SEC16B: variants seen among roughly 807,000 people sequenced by gnomAD.
SEC16B encodes protein transport protein Sec16B.
SEC16B carries 115 observed loss-of-function variants against 141.8 expected under a neutral mutation model. That is an observed-to-expected ratio of 0.81 (90% CI 0.70 to 0.95). The LOEUF (loss-of-function observed/expected upper bound fraction) is 0.95. Among genes scored for constraint, SEC16B ranks in the 40% least tolerant of loss-of-function variants. The pLI, the probability that SEC16B is intolerant of heterozygous loss-of-function variation, is 0.00. For synonymous variants in SEC16B, 493 were observed against 492.5 expected, an observed-to-expected ratio of 1.00 and a Z score of -0.01; for missense variants, 1,291 against 1,312.3, an observed-to-expected ratio of 0.98 and a Z score of 0.25.
At chr1:177,939,849 C>T in intron 17 of SEC16B, 72 bp from the exon 18 acceptor site, 1 of 1,246,886 alleles carries the variant, frequency 8.0e-7, no homozygotes, top group Non-Finnish European at 1.1e-6. Context: ...CAAAGTGATT[C>T]AAAACTTAAG....
chr1:177,945,736 G>A (rs912317930), intron 14 of SEC16B: 1 of 152,402 alleles, frequency 6.6e-6, no homozygotes, highest in Non-Finnish European at 1.5e-5. Context: ...ATAATTAAAG[G>A]AAATAGTGCA....
chr1:177,953,699 G>A (rs1231209638), intron 11 of SEC16B, among the ~76,000 whole-genome samples: 5 of 152,066 alleles, frequency 3.3e-5, no homozygotes, highest in South Asian at 2.1e-4. Context: ...CCTGGTCCAC[G>A]CTGGCACCCA....
chr1:177,982,887 A>G lies in SEC16B; in HGVS notation c.-59+1319T>C, dbSNP rs1571367891. Among the ~76,000 whole-genome samples, 4 of 152,222 alleles carry G rather than the reference A, an allele frequency of 2.6e-5. No individual in the cohort carries two copies. The East Asian group carries it at 5.8e-4, about 22-fold the overall frequency. On this transcript the variant is annotated intron_variant and NMD_transcript_variant, in intron 1 of 24. Transcript: ENST00000528461. Reference sequence around the variant, plus strand: ...ACTTGTTCCAATCAATAACCATTTGAAAACAGAAATAGATATTTAAGATGA... The same window carrying G: ...ACTTGTTCCAATCAATAACCATTTGGAAACAGAAATAGATATTTAAGATGA...
chr1:177,966,042 A>G (rs1341384749), intron 2 of SEC16B, 37 bp from the exon 3 acceptor site: 2 of 1,272,656 alleles, frequency 1.6e-6, no homozygotes, highest in Admixed American at 2.0e-5. Context: ...AGTTGAGGAC[A>G]AGGGTAGTAA....
chr1:177,933,155 G>T, intron 22 of SEC16B, 59 bp downstream of exon 22: 1 of 1,392,884 alleles, frequency 7.2e-7, no homozygotes, highest in Non-Finnish European at 9.9e-7. Flanking sequence ...TAGGTGCTGA[G>T]GCAGCTCCCT....
At position 177,940,614 on chromosome 1, in the gene SEC16B, A is replaced by G; in HGVS notation, c.2123T>C (p.Leu708Pro). The G allele has an allele frequency of 5.6e-6, 9 of 1,612,904 alleles. No individual in the cohort carries two copies. Among genetic ancestry groups the G allele is most frequent in the Non-Finnish European group, 7.6e-6 (9 of 1,179,090 alleles). ...PDWLAQLRRQ[L>P]EQKVAGDIGD... The stretch of plus-strand genomic sequence containing the variant: ...CCTGGCTCCAATCCCACTCACCTCC[A>G]GCTGCCTCCGAAGTTGCGCTAGCCA... The change falls in exon 17 of 26, where the codon CTG (leucine) becomes CCG (proline). Residue 708 changes from leucine to proline, a missense_variant. Leu to Pro is a moderately conservative substitution (Grantham distance 98). Around this residue, in one of 3 missense-constraint regions of SEC16B, gnomAD observed 605 missense variants for 614.1 expected, o/e 0.99. Coordinates refer to ENST00000308284, the MANE Select transcript of SEC16B (RefSeq NM_033127.4).
rs73045012 is a variant in SEC16B, at chr1:177,948,281, C to T, written c.1546-339G>A. ...AGCTAGAGACAAAACTCAGAAAAAC[C>T]CTGAGGCTTCAGTGGGAGAAGGAAG... On this transcript the variant is annotated intron_variant, in intron 12 of 25. Coordinates refer to ENST00000308284, the MANE Select transcript of SEC16B (RefSeq NM_033127.4). 2.8e-4 allele frequency: 341 copies of T among 1,218,918 alleles called. 1 individual carries two copies. The African/African-American group carries it at 4.9e-3, about 17-fold the overall frequency. 75.5% of individuals were successfully genotyped at this position (1,218,918 alleles called of 1,614,324 possible).
intron 18 of SEC16B, among the ~76,000 whole-genome samples, chr1:177,937,967 C>T (rs1479824511): frequency 6.6e-6 from 1 of 152,084 alleles, no homozygotes; most frequent in East Asian, 1.9e-4. Flanking sequence ...CCATAAGATA[C>T]CAAACTATAC....
intron 6 of SEC16B, chr1:177,961,186 G>A: frequency 2.0e-6 from 1 of 490,730 alleles, no homozygotes; most frequent in Non-Finnish European, 3.6e-6. Flanking sequence ...TCTCAGCCCA[G>A]ACTCTCAGTG....
Position 177,955,225 on chromosome 1 carries a change from G to A in SEC16B, c.1366-849C>T, listed in dbSNP as rs1043131707. Among the ~76,000 whole-genome samples, 11 of 152,206 alleles carry A rather than the reference G, an allele frequency of 7.2e-5. No homozygotes were observed. In the South Asian group the frequency reaches 2.1e-3, roughly 29 times the overall value. Reference sequence around the variant, plus strand: ...ATAAGAGAAATGCAGGCCCGGTGCGGTGGCTCACACCTGTAATCCCTACAC... The same window carrying A: ...ATAAGAGAAATGCAGGCCCGGTGCGATGGCTCACACCTGTAATCCCTACAC... On this transcript the variant is annotated intron_variant, in intron 10 of 25. Coordinates refer to ENST00000308284, the MANE Select transcript of SEC16B (RefSeq NM_033127.4).
intron 8 of SEC16B, 76 bp from the exon 9 acceptor site, chr1:177,959,051 A>C: frequency 6.8e-7 from 1 of 1,468,668 alleles, no homozygotes; most frequent in South Asian, 1.2e-5. Context: ...GCTCCTCCTA[A>C]GTGTGCAAGT....
At chr1:177,961,317 T>TCTTCC (rs999065179) in intron 6 of SEC16B, 1 of 481,314 alleles carries the variant, frequency 2.1e-6, no homozygotes, top group African/African-American at 2.0e-5. Flanking sequence ...TTCTCTCTGG[T>TCTTCC]CTTCCCTTTC....
chr1:177,970,349 C>T (rs962130415), upstream of SEC16B: 4 of 152,170 alleles, frequency 2.6e-5, no homozygotes, highest in African/African-American at 9.7e-5. Flanking sequence ...TTAACCTCTC[C>T]GAGTTTCAGT....
Position 177,958,909 on chromosome 1 carries a change from A to C in SEC16B, c.1065T>G (p.Ser355=). The change falls in exon 9 of 26, where the codon TCT becomes TCG. Residue 355 remains serine, a synonymous_variant. Transcript: ENST00000308284. The part of the protein sequence containing the change: ...CQQKAAQSCK[S]ETLGSRDSAL... The stretch of plus-strand genomic sequence containing the variant: ...CTGAGTCTCTGCTCCCCAGTGTCTC[A>C]GATTTGCAGCTCTGAGCTGCTTTCT... The C allele has an allele frequency of 6.2e-7, 1 of 1,613,794 alleles. No individual in the cohort carries two copies. The highest frequency in any genetic ancestry group is 8.5e-7 in the Non-Finnish European group (1 of 1,179,778).
chr1:177,929,957 G>A (rs1228309784), intron 25 of SEC16B, 28 bp from the exon 26 acceptor site: 5 of 1,609,788 alleles, frequency 3.1e-6, no homozygotes, highest in East Asian at 4.5e-5. Flanking sequence ...ATATTACACT[G>A]AGTACAGCCC....
At chr1:177,983,606 G>C (rs1010215258) in intron 1 of SEC16B, among the ~76,000 whole-genome samples, 1 of 152,024 alleles carries the variant, frequency 6.6e-6, no homozygotes, top group African/African-American at 2.4e-5. Context: ...CGATTTCCAG[G>C]GTGGAAGCCT....
At chr1:177,982,858 A>T (rs1654476323) in intron 1 of SEC16B, among the ~76,000 whole-genome samples, 1 of 152,200 alleles carries the variant, frequency 6.6e-6, no homozygotes, top group Admixed American at 6.5e-5. Context: ...GCCGTTGAAA[A>T]GGTACTTGTT....
chr1:177,954,190 C>A, intron 11 of SEC16B, 89 bp downstream of exon 11: 1 of 885,228 alleles, frequency 1.1e-6, no homozygotes, highest in South Asian at 1.5e-5. Context: ...CTCCTTAGCG[C>A]GTCTGACATT....
At chr1:177,964,705 T>A (rs1653369537) in intron 4 of SEC16B, among the ~76,000 whole-genome samples, 1 of 152,222 alleles carries the variant, frequency 6.6e-6, no homozygotes, top group South Asian at 2.1e-4. Flanking sequence ...CAGCACCAGG[T>A]AAGTTCTCAT....
Sources: gnomAD v4.1 joint callset for allele counts (sites outside exome capture counted in the v4.1 genomes callset) on GRCh38, gnomAD v4.1.1 for gene constraint, gnomAD v4.1.1 regional missense constraint, MANE v1.5 for transcripts, NCBI Gene and HGNC (gene_info 2026-07-23, HGNC 2026-07-21) for gene names.